The following WDR70 variants were observed in gnomAD, a reference collection of about 807,000 sequenced individuals.
WDR70 encodes the protein WD repeat-containing protein 70.
A neutral mutation model predicts 88.6 loss-of-function variants in WDR70; 53 were observed. The observed-to-expected ratio is 0.60, with a 90% confidence interval of 0.48 to 0.75. The LOEUF is 0.75. Among genes scored for constraint, WDR70 ranks in the 30% least tolerant of loss-of-function variants. The pLI is 0.00. For synonymous variants in WDR70, 280 were observed against 270.0 expected (o/e 1.04, Z -0.36); for missense variants, 610 against 823.2 (o/e 0.74, Z 3.17).
At chr5:37,722,990 T>G in intron 15 of WDR70, 56 bp downstream of exon 15, 1 of 1,593,546 alleles carries the variant, frequency 6.3e-7, no homozygotes, top group Non-Finnish European at 8.6e-7. Flanking sequence ...TCATGTGGTT[T>G]TGATTGCATA....
At chr5:37,701,382 G>A (rs528287369) in intron 12 of WDR70, among the ~76,000 whole-genome samples, 1 of 152,092 alleles carries the variant, frequency 6.6e-6, no homozygotes, top group East Asian at 1.9e-4. Context: ...TGTGTGTATT[G>A]TATGCACGCA....
At chr5:37,441,355 A>G (rs4869432) in intron 6 of WDR70, among the ~76,000 whole-genome samples, 131,391 of 152,192 alleles carry the variant, frequency 0.86, 59,946 homozygotes, top group East Asian at 1. Flanking sequence ...TAATTTTAAC[A>G]TAAGTATTAT....
At chr5:37,725,085 G>A (rs543394425) in intron 16 of WDR70, 35 bp downstream of exon 16, 1 of 1,578,908 alleles carries the variant, frequency 6.3e-7, no homozygotes, top group Non-Finnish European at 8.7e-7. Flanking sequence ...TGCAGAGGGG[G>A]TTCAGAGGCA....
At chr5:37,582,893 GA>G (rs1408114479) in intron 9 of WDR70, among the ~76,000 whole-genome samples, 1 of 152,196 alleles carries the variant, frequency 6.6e-6, no homozygotes, top group African/African-American at 2.4e-5. Flanking sequence ...ACTTCTTTAG[GA>G]TGTCGCCACC....
intron 9 of WDR70, among the ~76,000 whole-genome samples, chr5:37,539,424 A>AC (rs1741752638): frequency 6.6e-6 from 1 of 152,214 alleles, no homozygotes; most frequent in Non-Finnish European, 1.5e-5. Context: ...CACAGAAAAG[A>AC]CCATGTGAGG....
At chr5:37,542,006 G>A (rs1204461193) in intron 9 of WDR70, among the ~76,000 whole-genome samples, 2 of 152,042 alleles carry the variant, frequency 1.3e-5, no homozygotes, top group East Asian at 3.9e-4. Flanking sequence ...GTGTCACATG[G>A]GCATTTGAAA....
At chr5:37,447,915 A>T (rs913227351) in intron 7 of WDR70, among the ~76,000 whole-genome samples, 6 of 152,180 alleles carry the variant, frequency 3.9e-5, no homozygotes, top group Non-Finnish European at 8.8e-5. Context: ...GTGCACATGT[A>T]CCCTAGAACT....
At position 37,608,064 on chromosome 5, in the gene WDR70, C is replaced by T. The variant is rs371698729; in HGVS notation, c.1092+2826C>T. On this transcript the variant is annotated intron_variant, in intron 10 of 17. Coordinates refer to ENST00000265107, the MANE Select transcript of WDR70 (RefSeq NM_018034.4). ...TTTTTTTTTTTTTTTTTTTTTGAGA[C>T]GGAGTCTTGCTCTGTCGCCCAGGCT... is the stretch of plus-strand genomic sequence containing the variant. 1.3e-3 allele frequency among the ~76,000 whole-genome samples: 152 copies of T among 120,400 alleles called. 1 individual carries two copies. The highest frequency in any genetic ancestry group is 4.6e-3 in the African/African-American group (142 of 30,858). The allele number at this position is 120,400 out of a possible 152,430, so 79.0% of individuals were successfully genotyped here.
chr5:37,602,981 A>C (rs1479653400), intron 9 of WDR70, among the ~76,000 whole-genome samples: 1 of 152,188 alleles, frequency 6.6e-6, no homozygotes, highest in Non-Finnish European at 1.5e-5. Flanking sequence ...TCTTAAAAAA[A>C]AATAAAAAAA....
chr5:37,682,452 T>A (rs189850842), intron 10 of WDR70, among the ~76,000 whole-genome samples: 1 of 152,244 alleles, frequency 6.6e-6, no homozygotes, highest in East Asian at 1.9e-4. Context: ...TGGTTATTTT[T>A]TGTCTTTTGC....
At chr5:37,393,853 G>A (rs1019276644) in intron 4 of WDR70, among the ~76,000 whole-genome samples, 1 of 151,906 alleles carries the variant, frequency 6.6e-6, no homozygotes, top group South Asian at 2.1e-4. Context: ...GCTAATTTTT[G>A]TATTTTTTTG....
chr5:37,402,707 T>C (rs1471408420), intron 5 of WDR70, among the ~76,000 whole-genome samples: 2 of 152,084 alleles, frequency 1.3e-5, no homozygotes, highest in Admixed American at 1.3e-4. Context: ...TTGTTAACTG[T>C]GGTCACCCTA....
At chr5:37,613,641 T>G (rs182922892) in intron 10 of WDR70, among the ~76,000 whole-genome samples, 1 of 152,330 alleles carries the variant, frequency 6.6e-6, no homozygotes, top group African/African-American at 2.4e-5. Flanking sequence ...TAGAGTTGTT[T>G]GTCCTCTCCT....
chr5:37,611,660 G>A (rs947540715), intron 10 of WDR70, among the ~76,000 whole-genome samples: 1 of 151,576 alleles, frequency 6.6e-6, no homozygotes. Flanking sequence ...ATATGACTTT[G>A]ATTTTGAAAA....
At chr5:37,676,468 C>T (rs1746213970) in intron 10 of WDR70, among the ~76,000 whole-genome samples, 1 of 151,992 alleles carries the variant, frequency 6.6e-6, no homozygotes, top group African/African-American at 2.4e-5. Context: ...TGTCAAAGGC[C>T]TTTTCTGCAT....
intron 3 of WDR70, among the ~76,000 whole-genome samples, chr5:37,388,116 C>CA (rs758940621): frequency 6.6e-6 from 1 of 151,752 alleles, no homozygotes; most frequent in Non-Finnish European, 1.5e-5. Flanking sequence ...ATATGAAATA[C>CA]AAATTTTTTT....
chr5:37,747,940 A>G (rs1418758121), intron 17 of WDR70, among the ~76,000 whole-genome samples: 1 of 152,212 alleles, frequency 6.6e-6, no homozygotes, highest in Non-Finnish European at 1.5e-5. Context: ...AGGGATGTGA[A>G]GAACCTCTTC....
intron 10 of WDR70, among the ~76,000 whole-genome samples, chr5:37,622,146 C>T (rs1366921085): frequency 6.6e-6 from 1 of 152,054 alleles, no homozygotes; most frequent in Non-Finnish European, 1.5e-5. Context: ...AACAGCGGCT[C>T]ATCATCACTG....
intron 10 of WDR70, among the ~76,000 whole-genome samples, chr5:37,642,359 G>A (rs1745126568): frequency 6.6e-6 from 1 of 151,970 alleles, no homozygotes; most frequent in Non-Finnish European, 1.5e-5. Flanking sequence ...TTTAAGTTTG[G>A]AAAATAAGAA....
Sources: allele counts gnomAD v4.1 joint callset (sites outside exome capture counted in the v4.1 genomes callset), GRCh38; gene constraint gnomAD v4.1.1; transcripts MANE v1.5; gene names NCBI Gene and HGNC (gene_info 2026-07-23, HGNC 2026-07-21).